MYO18A: variants seen among roughly 807,000 people sequenced by gnomAD.
MYO18A encodes the protein myosin XVIIIA.
In MYO18A, 78 loss-of-function variants were observed where a neutral mutation model predicts 235.8. The observed-to-expected ratio is 0.33, with a 90% CI of 0.28 to 0.40. The LOEUF is 0.40. Ranked by LOEUF, MYO18A falls within the 10% of genes least tolerant of loss-of-function variation. The pLI, the probability that MYO18A is intolerant of heterozygous loss-of-function variation, is 1.00. For synonymous variants in MYO18A, 977 were observed against 1,077.8 expected (o/e 0.91, Z 1.83); for missense variants, 2,215 against 2,699.3 (o/e 0.82, Z 3.98).
chr17:29,128,818 T>C (rs573347560), intron 2 of MYO18A, among the ~76,000 whole-genome samples: 2 of 152,344 alleles, frequency 1.3e-5, no homozygotes, highest in South Asian at 4.1e-4. Context: ...AGACTTAGCA[T>C]GGACCTGTGA....
chr17:29,131,329 A>G, intron 2 of MYO18A: 1 of 921,408 alleles, frequency 1.1e-6, no homozygotes, highest in Non-Finnish European at 1.3e-6. Flanking sequence ...GCATGCACAC[A>G]CACATGCCCG....
At chr17:29,114,149 C>T in intron 14 of MYO18A, 52 bp from the exon 15 acceptor site, 1 of 1,419,414 alleles carries the variant, frequency 7.0e-7, no homozygotes, top group Non-Finnish European at 9.7e-7. Flanking sequence ...TTGTGGGGAA[C>T]AGCCTTGTGA....
chr17:29,123,550 T>G (rs1185190266), intron 2 of MYO18A, among the ~76,000 whole-genome samples: 2 of 152,216 alleles, frequency 1.3e-5, no homozygotes, highest in Non-Finnish European at 2.9e-5. Context: ...GGCTTCTGGC[T>G]TTAGACAGAT....
chr17:29,165,763 C>A (rs1180701689), intron 2 of MYO18A, among the ~76,000 whole-genome samples, 179 bp downstream of exon 2: 1 of 152,146 alleles, frequency 6.6e-6, no homozygotes, highest in African/African-American at 2.4e-5. Context: ...GGATTATGAG[C>A]ATGGGGCACC....
intron 40 of MYO18A, among the ~76,000 whole-genome samples, chr17:29,084,709 C>T (rs1278606009): frequency 6.6e-6 from 1 of 152,120 alleles, no homozygotes; most frequent in South Asian, 2.1e-4. Context: ...TTAGCTCTCA[C>T]TGAGTCCTGT....
chr17:29,154,105 T>TGTGTGTGTGTGTGG (rs2068013212), intron 2 of MYO18A, among the ~76,000 whole-genome samples: 1 of 147,272 alleles, frequency 6.8e-6, no homozygotes, highest in Non-Finnish European at 1.5e-5. Flanking sequence ...CTGCAGAGTG[T>TGTGTGTGTGTGTGG]GTGTGTGTGT....
intron 21 of MYO18A, among the ~76,000 whole-genome samples, chr17:29,102,543 C>T (rs149992754): frequency 1.4e-4 from 22 of 152,220 alleles, no homozygotes; most frequent in South Asian, 4.2e-4. Context: ...CAGAAAATGA[C>T]ACAGAAAGTG....
At chr17:29,081,148 G>A (rs566442493) in intron 41 of MYO18A, 2 of 335,714 alleles carry the variant, frequency 6.0e-6, no homozygotes, top group Admixed American at 6.5e-5. Context: ...AGGAGAAAAC[G>A]GCAGCAGCCC....
rs1025853025 is a variant in MYO18A, at chr17:29,109,609, T to C, written c.3331+249A>G. ...CAAATGACAAGGTGCAGGGTGGAGC[T>C]AGGAAGGGAGGGGGACAAAGAGAAC... On this transcript the variant is annotated intron_variant, in intron 19 of 41. Coordinates refer to ENST00000527372, the MANE Select transcript of MYO18A (RefSeq NM_078471.4). This position sits in a 1 kb window ranked among gnomAD's most constrained non-coding sequence, Gnocchi z 4.1. 2.6e-5 allele frequency among the ~76,000 whole-genome samples: 4 copies of C among 151,294 alleles called. No individual in the cohort carries two copies. The highest frequency in any genetic ancestry group is 9.7e-5 in the African/African-American group (4 of 41,110).
At chr17:29,144,853 A>G (rs916269412) in intron 2 of MYO18A, among the ~76,000 whole-genome samples, 1 of 152,230 alleles carries the variant, frequency 6.6e-6, no homozygotes, top group Non-Finnish European at 1.5e-5. Flanking sequence ...GTAAGGCAAA[A>G]ATAGAATATA....
chr17:29,121,564 C>G lies in MYO18A; in HGVS notation c.1354G>C (p.Ala452Pro). The G allele has an allele frequency of 6.2e-7, 1 of 1,604,284 alleles. No homozygotes were observed. The highest frequency in any genetic ancestry group is 8.5e-7 in the Non-Finnish European group (1 of 1,176,110). Residue 452 changes from alanine to proline, a missense_variant, in exon 5 of 42, where the codon GCT (alanine) becomes CCT (proline). Ala to Pro is a conservative substitution (Grantham distance 27). Transcript: ENST00000527372. The surrounding 1 kb of genome is among the most constrained non-coding windows in gnomAD (Gnocchi z 4.2). ...TGCTGCACCTTCTCAGAGTACACAG[C>G]AGGGGCCCCACGGGGGCCAAGAACC... ...LLVLGPRGAP[A>P]VYSEKVMHMF...
At chr17:29,142,588 A>T (rs1377436074) in intron 2 of MYO18A, among the ~76,000 whole-genome samples, 1 of 152,204 alleles carries the variant, frequency 6.6e-6, no homozygotes, top group Non-Finnish European at 1.5e-5. Context: ...AGACCTGCTG[A>T]ACCAAGAACT....
intron 2 of MYO18A, among the ~76,000 whole-genome samples, chr17:29,127,617 T>A: frequency 6.6e-6 from 1 of 152,252 alleles, no homozygotes; most frequent in East Asian, 1.9e-4. Flanking sequence ...AAGGCCAACA[T>A]GCTGCTTAGC....
Position 29,116,457 on chromosome 17 carries a change from TG to T in MYO18A, c.2039-3del. On this transcript the variant is annotated splice_region_variant and splice_polypyrimidine_tract_variant and intron_variant, in intron 10 of 41. Coordinates refer to ENST00000527372, the MANE Select transcript of MYO18A (RefSeq NM_078471.4). The stretch of plus-strand genomic sequence containing the variant: ...ACAAGGTTTTACCTTCAGCAGCTTC[TG>T]TAAGGCAAAGGACCAGCATGCAGCA... The T allele has an allele frequency of 6.2e-7, 1 of 1,613,998 alleles. No homozygotes were observed. The highest frequency in any genetic ancestry group is 8.5e-7 in the Non-Finnish European group (1 of 1,179,884).
rs144044684 is a variant in MYO18A, at chr17:29,168,804, A to G, written c.-81-1783T>C. On this transcript the variant is annotated intron_variant, in intron 1 of 41. Coordinates refer to ENST00000527372, the MANE Select transcript of MYO18A (RefSeq NM_078471.4). ...TCTAGAGCAGTGCTGTCCATAAGAA[A>G]TATAATTCAAGGCCAGGTACAGTGG... Among the ~76,000 whole-genome samples the G allele has an allele frequency of 9.2e-5, 14 of 152,302 alleles. No homozygotes were observed. The East Asian group carries it at 1.7e-3, about 19-fold the overall frequency.
At chr17:29,164,978 C>A (rs2068249457) in intron 2 of MYO18A, among the ~76,000 whole-genome samples, 1 of 152,192 alleles carries the variant, frequency 6.6e-6, no homozygotes, top group African/African-American at 2.4e-5. Flanking sequence ...CTCTTGGAGC[C>A]CAAGTGACCA....
chr17:29,124,289 G>A (rs1369340759), intron 2 of MYO18A, among the ~76,000 whole-genome samples: 1 of 152,186 alleles, frequency 6.6e-6, no homozygotes, highest in Non-Finnish European at 1.5e-5. Context: ...CTGGGAAGAG[G>A]GCAGAGATTC....
At chr17:29,128,129 A>G (rs1263347969) in intron 2 of MYO18A, 1 of 1,063,672 alleles carries the variant, frequency 9.4e-7, no homozygotes, top group Non-Finnish European at 1.1e-6. Context: ...CAGGCTCCGC[A>G]GGCCCAGGGA....
intron 26 of MYO18A, 77 bp from the exon 27 acceptor site, chr17:29,097,427 G>A: frequency 2.6e-6 from 4 of 1,559,856 alleles, no homozygotes; most frequent in Non-Finnish European, 3.5e-6. Context: ...GGAGGATGGG[G>A]CAGGGGGAGC....
Sources: allele counts gnomAD v4.1 joint callset (sites outside exome capture counted in the v4.1 genomes callset), GRCh38; gene constraint gnomAD v4.1.1; non-coding constraint Gnocchi (gnomAD v3.1); transcripts MANE v1.5; gene names NCBI Gene and HGNC (gene_info 2026-07-23, HGNC 2026-07-21).